Variants in SEMA6D observed in about 807,000 individuals in gnomAD.
The protein encoded by SEMA6D is semaphorin 6D, also known as semaphorin-6D.
In SEMA6D, 35 loss-of-function variants were observed where a neutral mutation model predicts 106.6. That is an observed-to-expected ratio of 0.33 (90% CI 0.25 to 0.44). SEMA6D has a LOEUF of 0.44. Ranked by LOEUF, SEMA6D falls within the 20% of genes least tolerant of loss-of-function variation. SEMA6D has a pLI of 1.00. For synonymous variants in SEMA6D, 499 were observed against 487.7 expected (o/e 1.02, Z -0.31); for missense variants, 1,185 against 1,345.9 (o/e 0.88, Z 1.87).
intron 1 of SEMA6D, among the ~76,000 whole-genome samples, chr15:47,405,000 C>T (rs1368415336): frequency 6.6e-6 from 1 of 152,028 alleles, no homozygotes; most frequent in African/African-American, 2.4e-5. Context: ...GGTCAAGTGG[C>T]AGCTGCTTCT....
At chr15:47,682,268 T>C (rs1056930982) in intron 4 of SEMA6D, among the ~76,000 whole-genome samples, 2 of 151,872 alleles carry the variant, frequency 1.3e-5, no homozygotes, top group Non-Finnish European at 2.9e-5. Context: ...CCCGGGTTCA[T>C]GCCATTCTGC....
intron 1 of SEMA6D, among the ~76,000 whole-genome samples, chr15:47,402,217 T>C (rs902584483): frequency 1.3e-5 from 2 of 152,234 alleles, no homozygotes; most frequent in Non-Finnish European, 2.9e-5. Context: ...AAATAGCTAC[T>C]GTTTAATATG....
At position 47,347,515 on chromosome 15, in the gene SEMA6D, GAACT is replaced by G. The variant is rs937715824; in HGVS notation, c.-238-64872_-238-64869del. 9.2e-5 allele frequency among the ~76,000 whole-genome samples: 14 copies of G among 152,196 alleles called. No homozygotes were observed. The South Asian group carries it at 1.0e-3, about 11-fold the overall frequency. ...TCACAGTGCAGGCACTAGAAAGCTG[GAACT>G]AACTAGAGATATATAAAAACCCACG... On this transcript the variant is annotated intron_variant, in intron 1 of 19. Coordinates refer to the SEMA6D transcript ENST00000558014.
In SEMA6D at chr15:47,278,931, C is replaced by T. The variant is rs563430323; in HGVS notation, c.-239+94513C>T. ...CAGAGATCAGATAGTTGTAGATATG[C>T]GGCGTTATTTCTGAGGGCTCTGTTC... On this transcript the variant is annotated intron_variant, in intron 1 of 19. Coordinates refer to the SEMA6D transcript ENST00000558014. Among the ~76,000 whole-genome samples, 630 of 145,400 alleles carry T rather than the reference C, an allele frequency of 4.3e-3. 2 individuals carry two copies. The highest frequency in any genetic ancestry group is 0.014 in the African/African-American group (524 of 38,658).
chr15:47,272,227 T>A (rs756415304), intron 1 of SEMA6D, among the ~76,000 whole-genome samples: 30 of 152,180 alleles, frequency 2.0e-4, no homozygotes, highest in African/African-American at 7.2e-5. Context: ...GACTTTTAAG[T>A]TTTACAAGTA....
chr15:47,331,626 C>A (rs2037345933), intron 1 of SEMA6D, among the ~76,000 whole-genome samples: 1 of 149,100 alleles, frequency 6.7e-6, no homozygotes, highest in African/African-American at 2.5e-5. Flanking sequence ...TAAAGAAATG[C>A]AACAAAACAA....
intron 1 of SEMA6D, among the ~76,000 whole-genome samples, chr15:47,399,998 A>G (rs1420545747): frequency 6.6e-6 from 1 of 152,198 alleles, no homozygotes; most frequent in Non-Finnish European, 1.5e-5. Flanking sequence ...TTTAGGTCAT[A>G]CACTGAGTTG....
intron 3 of SEMA6D, among the ~76,000 whole-genome samples, chr15:47,486,826 A>G (rs2043310563): frequency 6.6e-6 from 1 of 152,192 alleles, no homozygotes. Flanking sequence ...ATGGTTTAAA[A>G]ATTTCTTCAT....
chr15:47,442,353 G>A (rs1322517614), intron 2 of SEMA6D, among the ~76,000 whole-genome samples: 1 of 152,084 alleles, frequency 6.6e-6, no homozygotes, highest in African/African-American at 2.4e-5. Flanking sequence ...TGTACAGAAA[G>A]GGGAGACTTG....
At chr15:47,227,474 C>CTTT (rs1238931499) in intron 1 of SEMA6D, among the ~76,000 whole-genome samples, 19 of 68,950 alleles carry the variant, frequency 2.8e-4, no homozygotes, top group African/African-American at 1.2e-3. Context: ...CTTTTTCTTT[C>CTTT]TCTTTCTTTT....
intron 1 of SEMA6D, among the ~76,000 whole-genome samples, chr15:47,726,065 C>T (rs760252248): frequency 6.6e-6 from 1 of 152,216 alleles, no homozygotes; most frequent in Admixed American, 6.5e-5. Flanking sequence ...GTTTAGTAAT[C>T]GGTCTGGCTC....
At chr15:47,326,577 G>A (rs1191391688) in intron 1 of SEMA6D, among the ~76,000 whole-genome samples, 8 of 151,840 alleles carry the variant, frequency 5.3e-5, no homozygotes, top group African/African-American at 1.9e-4. Flanking sequence ...TAAGTGCTGA[G>A]TTGTTTACAA....
intron 4 of SEMA6D, among the ~76,000 whole-genome samples, chr15:47,695,982 A>G (rs971003732): frequency 6.6e-6 from 1 of 152,162 alleles, no homozygotes; most frequent in Non-Finnish European, 1.5e-5. Flanking sequence ...GCAAGAAGGA[A>G]CATAAACATA....
intron 1 of SEMA6D, among the ~76,000 whole-genome samples, chr15:47,205,093 G>A (rs779146664): frequency 6.6e-6 from 1 of 152,092 alleles, no homozygotes; most frequent in Non-Finnish European, 1.5e-5. Context: ...CAATTCCTTT[G>A]CAAAACTTTC....
At chr15:47,532,014 A>G (rs975187330) in intron 3 of SEMA6D, among the ~76,000 whole-genome samples, 1 of 152,114 alleles carries the variant, frequency 6.6e-6, no homozygotes, top group Non-Finnish European at 1.5e-5. Flanking sequence ...TCTTCACACT[A>G]TACACTCCAG....
intron 1 of SEMA6D, among the ~76,000 whole-genome samples, chr15:47,285,096 A>C (rs1432863433): frequency 6.6e-6 from 1 of 152,214 alleles, no homozygotes; most frequent in African/African-American, 2.4e-5. Flanking sequence ...AATAAATGAT[A>C]AACACCATTT....
intron 3 of SEMA6D, among the ~76,000 whole-genome samples, chr15:47,491,502 C>T (rs2043475125): frequency 6.6e-6 from 1 of 152,062 alleles, no homozygotes; most frequent in African/African-American, 2.4e-5. Context: ...AAACAATATT[C>T]TTTAAAAAAT....
At chr15:47,243,284 C>A (rs1425330500) in intron 1 of SEMA6D, among the ~76,000 whole-genome samples, 1 of 152,128 alleles carries the variant, frequency 6.6e-6, no homozygotes, top group African/African-American at 2.4e-5. Flanking sequence ...CTCCTTGCAT[C>A]TCATAGCATC....
chr15:47,696,789 G>C (rs1404002401), intron 4 of SEMA6D, among the ~76,000 whole-genome samples: 1 of 152,218 alleles, frequency 6.6e-6, no homozygotes, highest in Non-Finnish European at 1.5e-5. Flanking sequence ...TGGCTGCACA[G>C]TTCATAGATG....
Sources: allele counts gnomAD v4.1 joint callset (sites outside exome capture counted in the v4.1 genomes callset), GRCh38; gene constraint gnomAD v4.1.1; transcripts MANE v1.5; gene names NCBI Gene and HGNC (gene_info 2026-07-23, HGNC 2026-07-21).